LTBP1: variants seen among roughly 807,000 people sequenced by gnomAD.
The protein encoded by LTBP1 is latent-transforming growth factor beta-binding protein 1.
LTBP1 carries 129 observed loss-of-function variants against 207.6 expected under a neutral mutation model. That is an observed-to-expected ratio of 0.62 (90% CI 0.54 to 0.72). The LOEUF (loss-of-function observed/expected upper bound fraction) is 0.72. Ranked by LOEUF, LTBP1 falls within the 30% of genes least tolerant of loss-of-function variation. The probability of loss-of-function intolerance (pLI) is 0.00; values close to 1 mark genes in which losing one functional copy is unlikely to be tolerated. For synonymous variants in LTBP1, 963 were observed against 833.7 expected (o/e 1.16, Z -2.67); for missense variants, 2,281 against 2,217.2 (o/e 1.03, Z -0.58).
At chr2:33,017,846 G>C (rs1688603331) in intron 2 of LTBP1, among the ~76,000 whole-genome samples, 2 of 152,152 alleles carry the variant, frequency 1.3e-5, no homozygotes, top group Admixed American at 6.5e-5. Context: ...TCAATCTCCT[G>C]ACCTTGTGAT....
chr2:33,365,104 C>T (rs187897185), intron 30 of LTBP1, among the ~76,000 whole-genome samples: 1 of 152,266 alleles, frequency 6.6e-6, no homozygotes, highest in East Asian at 1.9e-4. Context: ...CTATAGAGAA[C>T]TATTGTGTCG....
At position 33,339,493 on chromosome 2, in the gene LTBP1, G is replaced by A. The variant is rs374840106; in HGVS notation, c.3731-3345G>A. 3.9e-5 allele frequency among the ~76,000 whole-genome samples: 6 copies of A among 152,236 alleles called. No homozygotes were observed. In the East Asian group the frequency reaches 9.6e-4, roughly 24 times the overall value. On this transcript the variant is annotated intron_variant, in intron 24 of 33. Coordinates refer to ENST00000404816, the MANE Select transcript of LTBP1 (RefSeq NM_206943.4). ...CCTGTGTTAAGTGATTTGGTGACGC[G>A]ATGCAGTTCCTCCTCAAGTTGTGAT...
intron 7 of LTBP1, among the ~76,000 whole-genome samples, chr2:33,212,263 AG>A (rs1452310617): frequency 6.6e-6 from 1 of 152,148 alleles, no homozygotes; most frequent in African/African-American, 2.4e-5. Context: ...CAAGGCTGGG[AG>A]TAGCTTTGTT....
In LTBP1 at chr2:33,294,751, G is replaced by A. The variant is rs370819663; in HGVS notation, c.3235+1469G>A. ...CCGCCATCATGCCCAGCTAATTTTT[G>A]TATTTTTAGTAAAGACGAGGTTTCA... On this transcript the variant is annotated intron_variant, in intron 20 of 33. Transcript: ENST00000404816. 5.3e-5 allele frequency among the ~76,000 whole-genome samples: 8 copies of A among 151,544 alleles called. No homozygotes were observed. In the South Asian group the frequency reaches 1.7e-3, roughly 32 times the overall value.
chr2:33,169,396 G>A (rs1176095739), intron 5 of LTBP1, among the ~76,000 whole-genome samples: 3 of 152,160 alleles, frequency 2.0e-5, no homozygotes, highest in African/African-American at 7.2e-5. Context: ...AATAGGAAAG[G>A]AAGTTTTATT....
At chr2:32,956,772 A>G (rs903460669) in intron 2 of LTBP1, among the ~76,000 whole-genome samples, 7 of 152,150 alleles carry the variant, frequency 4.6e-5, no homozygotes, top group Admixed American at 1.3e-4. Flanking sequence ...ATCACTATCT[A>G]TGACAGCTAT....
chr2:33,079,312 A>G (rs1324012973), intron 3 of LTBP1, among the ~76,000 whole-genome samples: 1 of 152,160 alleles, frequency 6.6e-6, no homozygotes, highest in Non-Finnish European at 1.5e-5. Context: ...GATGGAGAGT[A>G]TCACAGTGAA....
chr2:33,033,800 C>G (rs1558540341), intron 3 of LTBP1, among the ~76,000 whole-genome samples: 1 of 152,066 alleles, frequency 6.6e-6, no homozygotes, highest in Admixed American at 6.6e-5. Context: ...TTTTTATTGT[C>G]TGCTTTATAG....
In LTBP1 at chr2:33,226,052, T is replaced by A. The variant is rs150247339; in HGVS notation, c.1876+3901T>A. On this transcript the variant is annotated intron_variant, in intron 9 of 33. Transcript: ENST00000404816. ...GTGCTGCAATAATAAGTTCAATTTT[T>A]AAAAATTATTCTGATTTTGTTATTG... is the stretch of plus-strand genomic sequence containing the variant. 5.3e-5 allele frequency among the ~76,000 whole-genome samples: 8 copies of A among 152,376 alleles called. No individual in the cohort carries two copies. The East Asian group carries it at 7.7e-4, about 15-fold the overall frequency.
At chr2:33,072,894 A>G (rs1450240550) in intron 3 of LTBP1, among the ~76,000 whole-genome samples, 1 of 152,184 alleles carries the variant, frequency 6.6e-6, no homozygotes, top group East Asian at 1.9e-4. Context: ...CTTATGGTCT[A>G]CCACCACTTC....
chr2:33,139,446 A>G (rs1274287889), intron 5 of LTBP1, among the ~76,000 whole-genome samples: 1 of 152,240 alleles, frequency 6.6e-6, no homozygotes, highest in Non-Finnish European at 1.5e-5. Context: ...GATGAAGGGT[A>G]TATGTAAATA....
chr2:33,364,355 C>T lies in LTBP1; in HGVS notation c.4539C>T (p.Asn1513=), dbSNP rs762533656. 41 of 1,612,094 alleles carry T rather than the reference C, an allele frequency of 2.5e-5. No individual in the cohort carries two copies. The South Asian group carries it at 3.2e-4, about 13-fold the overall frequency. The change falls in exon 30 of 34, where the codon AAC becomes AAT. Residue 1513 remains asparagine (N), a splice_region_variant and synonymous_variant. Transcript: ENST00000404816. ...EKRCIRPAES[N]EQIEETDVYQ... Reference sequence around the variant, plus strand: ...GATGTATACGACCGGCTGAGTCAAACGGTATGTTTCCAGGAGATGCAAACC... The same window carrying T: ...GATGTATACGACCGGCTGAGTCAAATGGTATGTTTCCAGGAGATGCAAACC...
At chr2:33,080,645 A>G (rs1253050253) in intron 3 of LTBP1, among the ~76,000 whole-genome samples, 1 of 152,014 alleles carries the variant, frequency 6.6e-6, no homozygotes, top group East Asian at 1.9e-4. Flanking sequence ...TTCTTTACTG[A>G]TTTGTTCATG....
chr2:33,322,688 G>C (rs1159577315), intron 24 of LTBP1, among the ~76,000 whole-genome samples: 1 of 152,134 alleles, frequency 6.6e-6, no homozygotes, highest in Non-Finnish European at 1.5e-5. Context: ...AGTATTAATT[G>C]GTTTAATTTT....
chr2:33,092,496 A>C (rs190272359), intron 3 of LTBP1, among the ~76,000 whole-genome samples: 3 of 152,200 alleles, frequency 2.0e-5, no homozygotes, highest in African/African-American at 7.2e-5. Context: ...GGTGTTGACA[A>C]CTCCAGACAT....
At chr2:33,335,176 A>AG (rs2094540911) in intron 24 of LTBP1, among the ~76,000 whole-genome samples, 1 of 140,810 alleles carries the variant, frequency 7.1e-6, no homozygotes, top group African/African-American at 2.7e-5. Context: ...ATGCTGGGGA[A>AG]AAAAAAAAAA....
chr2:33,343,241 A>G (rs115915828), intron 25 of LTBP1, among the ~76,000 whole-genome samples: 2,221 of 151,790 alleles, frequency 0.015, 57 homozygotes, highest in African/African-American at 0.05. Flanking sequence ...TTCTCTATGA[A>G]TAAAAATTTT....
At chr2:33,320,301 G>A (rs2149325517) in intron 24 of LTBP1, among the ~76,000 whole-genome samples, 1 of 151,814 alleles carries the variant, frequency 6.6e-6, no homozygotes, top group East Asian at 1.9e-4. Context: ...CATGGGAACT[G>A]GAAGTTGCAG....
chr2:33,053,400 C>T (rs867270156), intron 3 of LTBP1, among the ~76,000 whole-genome samples: 3 of 152,264 alleles, frequency 2.0e-5, no homozygotes, highest in African/African-American at 4.8e-5. Context: ...TTTGTACATT[C>T]TGTGGGTTTG....
Sources: gnomAD v4.1 joint callset for allele counts (sites outside exome capture counted in the v4.1 genomes callset) on GRCh38, gnomAD v4.1.1 for gene constraint, MANE v1.5 for transcripts, NCBI Gene and HGNC (gene_info 2026-07-23, HGNC 2026-07-21) for gene names.